The following IFNGR2 variants were observed in gnomAD, a reference collection of about 807,000 sequenced individuals.
IFNGR2 encodes interferon gamma receptor 2.
In IFNGR2, 15 loss-of-function variants were observed where a neutral mutation model predicts 41.1. The observed-to-expected ratio is 0.37, with a 90% CI of 0.24 to 0.56. IFNGR2 has a LOEUF of 0.56. Ranked by LOEUF, IFNGR2 falls within the 20% of genes least tolerant of loss-of-function variation. The pLI is 0.81. For synonymous variants in IFNGR2, 161 were observed against 171.6 expected (o/e 0.94, Z 0.48); for missense variants, 362 against 415.7 (o/e 0.87, Z 1.12).
chr21:33,412,893 C>T (rs1401744372), intron 1 of IFNGR2, among the ~76,000 whole-genome samples: 3 of 152,158 alleles, frequency 2.0e-5, no homozygotes, highest in Non-Finnish European at 2.9e-5. Flanking sequence ...ACAGTTTGGT[C>T]CGGAGAGCTG....
At chr21:33,423,442 G>C (rs1356597996) in intron 3 of IFNGR2, among the ~76,000 whole-genome samples, 1 of 151,926 alleles carries the variant, frequency 6.6e-6, no homozygotes, top group African/African-American at 2.4e-5. Context: ...GCCCAGGCTG[G>C]CGTGCAGTGG....
At chr21:33,423,828 A>T (rs1335343268) in intron 3 of IFNGR2, among the ~76,000 whole-genome samples, 13 of 143,016 alleles carry the variant, frequency 9.1e-5, no homozygotes, top group East Asian at 4.1e-4. Flanking sequence ...CCCCATCTCT[A>T]TTTTTTTTTT....
At chr21:33,414,745 G>C (rs2083741976) in intron 1 of IFNGR2, 143 bp from the exon 2 acceptor site, 4 of 990,668 alleles carry the variant, frequency 4.0e-6, no homozygotes, top group Non-Finnish European at 4.6e-6. Flanking sequence ...CCATGCCCAG[G>C]GGGACCTGGT....
rs1290455062 is a variant in IFNGR2, at chr21:33,421,544, G to A, written c.271G>A (p.Ala91Thr). 6.2e-7 allele frequency: 1 copy of A among 1,614,050 alleles called. No individual in the cohort carries two copies. Among genetic ancestry groups the A allele is most frequent in the South Asian group, 1.1e-5 (1 of 91,080 alleles). Residue 91 changes from alanine (A) to threonine (T), a missense_variant, in exon 3 of 7, where the codon GCA becomes ACA. Coordinates refer to ENST00000290219, the MANE Select transcript of IFNGR2 (RefSeq NM_005534.4). ...AGGGGTGAATTGTACACAGATCACA[G>A]CAACAGAGTGTGACTTCACTGCCGC... ...SIGVNCTQIT[A>T]TECDFTAASP...
intron 6 of IFNGR2, 142 bp downstream of exon 6, chr21:33,433,013 G>T: frequency 1.4e-6 from 1 of 731,784 alleles, no homozygotes; most frequent in African/African-American, 1.8e-5. Flanking sequence ...AGCCTCCTGA[G>T]TAGCTGGTAT....
intron 2 of IFNGR2, among the ~76,000 whole-genome samples, chr21:33,419,060 C>CT (rs2083772701): frequency 6.6e-6 from 1 of 152,154 alleles, no homozygotes; most frequent in Non-Finnish European, 1.5e-5. Flanking sequence ...GTTCTACACT[C>CT]TAAGAATAAT....
At chr21:33,426,794 CAT>C (rs121913204) in intron 3 of IFNGR2, 88 bp from the exon 4 acceptor site, 60 of 629,552 alleles carry the variant, frequency 9.5e-5, no homozygotes, top group Non-Finnish European at 1.0e-4. Context: ...TATATATATA[CAT>C]ATATATATAG....
chr21:33,427,010 G>C lies in IFNGR2; in HGVS notation c.539G>C (p.Trp180Ser). The change falls in exon 4 of 7, where the codon TGG becomes TCG. Residue 180 changes from tryptophan (W) to serine (S), a missense_variant. Transcript: ENST00000290219. ...TAFFCYYVHY[W>S]EKGGIQQVKG... ...TTTTTTTGTTATTATGTCCATTACT[G>C]GGAAAAAGGAGGAATCCAACAGGCA... 1 of 1,611,534 alleles carries C rather than the reference G, an allele frequency of 6.2e-7. No individual in the cohort carries two copies. The highest frequency in any genetic ancestry group is 8.5e-7 in the Non-Finnish European group (1 of 1,178,582).
chr21:33,436,804 A>G (rs369190011), intron 6 of IFNGR2, 24 bp from the exon 7 acceptor site: 1 of 1,611,114 alleles, frequency 6.2e-7, no homozygotes, highest in African/African-American at 1.3e-5. Flanking sequence ...ACTAATTACA[A>G]TTTTGCTTTC....
intron 6 of IFNGR2, among the ~76,000 whole-genome samples, chr21:33,435,413 C>T (rs2083935732): frequency 6.6e-6 from 1 of 151,482 alleles, no homozygotes; most frequent in Non-Finnish European, 1.5e-5. Flanking sequence ...ACCCACAGGC[C>T]TACACTGAGG....
At position 33,414,948 on chromosome 21, in the gene IFNGR2, A is replaced by C; in HGVS notation, c.134A>C (p.Gln45Pro). 1 of 1,614,092 alleles carries C rather than the reference A, an allele frequency of 6.2e-7. No homozygotes were observed. The highest frequency in any genetic ancestry group is 8.5e-7 in the Non-Finnish European group (1 of 1,179,956). The change falls in exon 2 of 7, where the codon CAG becomes CCG. Residue 45 changes from glutamine (Q) to proline (P), a missense_variant. Physicochemically the swap from Gln to Pro is moderately conservative, Grantham distance 76 (BLOSUM62 -1). Coordinates refer to ENST00000290219, the MANE Select transcript of IFNGR2 (RefSeq NM_005534.4). ...HPKIRLYNAE[Q>P]VLSWEPVALS... Reference sequence around the variant, plus strand: ...AAGATTCGCCTGTACAACGCAGAGCAGGTCCTGAGTTGGGAGCCAGTGGCC... The same window carrying C: ...AAGATTCGCCTGTACAACGCAGAGCCGGTCCTGAGTTGGGAGCCAGTGGCC...
At chr21:33,427,767 TAAG>T (rs1309157155) in intron 4 of IFNGR2, among the ~76,000 whole-genome samples, 1 of 151,630 alleles carries the variant, frequency 6.6e-6, no homozygotes, top group Non-Finnish European at 1.5e-5. Context: ...TTTTTGATAA[TAAG>T]AGCTTACATT....
chr21:33,421,641 A>G lies in IFNGR2; in HGVS notation c.368A>G (p.His123Arg). The stretch of plus-strand genomic sequence containing the variant: ...CTTCGAGCTGAGCTGGGAGCACTCC[A>G]TTCTGCCTGGGTGACAATGCCTTGG... ...LRLRAELGAL[H>R]SAWVTMPWFQ... is the part of the protein sequence containing the mutation. The change falls in exon 3 of 7, where the codon CAT becomes CGT. Residue 123 changes from histidine (H) to arginine (R), a missense_variant. Coordinates refer to ENST00000290219, the MANE Select transcript of IFNGR2 (RefSeq NM_005534.4). The G allele has an allele frequency of 6.2e-7, 1 of 1,614,070 alleles. No individual in the cohort carries two copies. Among genetic ancestry groups the G allele is most frequent in the Non-Finnish European group, 8.5e-7 (1 of 1,179,988 alleles).
intron 6 of IFNGR2, among the ~76,000 whole-genome samples, chr21:33,435,059 TTCAG>T (rs764861851): frequency 6.6e-6 from 1 of 152,222 alleles, no homozygotes; most frequent in Non-Finnish European, 1.5e-5. Flanking sequence ...TTGTTCCTCT[TTCAG>T]TCAGTCAGCT....
rs1367198566 is a variant in IFNGR2 at position 33,403,478 on chromosome 21, A to C, written c.-66A>C. 4 of 1,012,212 alleles carry C rather than the reference A, an allele frequency of 4.0e-6. No homozygotes were observed. In the East Asian group the frequency reaches 2.2e-4, roughly 57 times the overall value. The allele number at this position is 1,012,212 out of a possible 1,614,324, so 62.7% of individuals were successfully genotyped here. ...CCATGGCGGTTTGGGCGGCGACGTGAGCGGCTCCGCGGACCCCGAGCGGGG... is the reference window on the plus strand; with the variant it reads ...CCATGGCGGTTTGGGCGGCGACGTGCGCGGCTCCGCGGACCCCGAGCGGGG... On this transcript the variant is annotated 5_prime_UTR_variant, in exon 1 of 7. An upstream open reading frame in the 5' UTR loses its in-frame stop. Coordinates refer to ENST00000290219, the MANE Select transcript of IFNGR2 (RefSeq NM_005534.4).
At chr21:33,406,825 T>C (rs2083680905) in intron 1 of IFNGR2, among the ~76,000 whole-genome samples, 1 of 151,896 alleles carries the variant, frequency 6.6e-6, no homozygotes, top group African/African-American at 2.4e-5. Context: ...TTTTTGTATT[T>C]TTTTGTAGAG....
Position 33,432,748 on chromosome 21 carries a change from C to G in IFNGR2, c.756C>G (p.Ser252=). ...STELQQVILI[S]VGTFSLLSVL... is the part of the protein sequence containing the mutation. ...AGCTTCAGCAAGTCATCCTGATCTC[C>G]GTGGGAACATTTTCGTTGCTGTCGG... Residue 252 remains serine, a synonymous_variant, in exon 6 of 7, where the codon TCC becomes TCG. Transcript: ENST00000290219. The G allele has an allele frequency of 6.2e-7, 1 of 1,614,102 alleles. No homozygotes were observed. The highest frequency in any genetic ancestry group is 8.5e-7 in the Non-Finnish European group (1 of 1,180,000).
At chr21:33,426,674 C>T (rs192350781) in intron 3 of IFNGR2, among the ~76,000 whole-genome samples, 193 of 151,606 alleles carry the variant, frequency 1.3e-3, no homozygotes, top group Non-Finnish European at 2.4e-4. Context: ...GAGCCGAGAT[C>T]GCACAACTGC....
At chr21:33,404,129 G>A (rs1011652199) in intron 1 of IFNGR2, among the ~76,000 whole-genome samples, 1 of 152,272 alleles carries the variant, frequency 6.6e-6, no homozygotes, top group Non-Finnish European at 1.5e-5. Context: ...CGCCTTTGCT[G>A]GCCACTGGTT....
Sources: allele counts gnomAD v4.1 joint callset (sites outside exome capture counted in the v4.1 genomes callset), GRCh38; gene constraint gnomAD v4.1.1; transcripts MANE v1.5; gene names NCBI Gene and HGNC (gene_info 2026-07-23, HGNC 2026-07-21).